Variants in FAM168A observed in about 807,000 individuals in gnomAD.
The protein encoded by FAM168A is protein FAM168A.
A neutral mutation model predicts 28.5 loss-of-function variants in FAM168A; 3 were observed. The ratio of observed to expected loss-of-function variants is 0.11; its 90% CI spans 0.05 to 0.27. The LOEUF (loss-of-function observed/expected upper bound fraction) is 0.27, where lower values mean the gene tolerates loss of function less well. Among genes scored for constraint, FAM168A ranks in the 10% least tolerant of loss-of-function variants. The pLI is 1.00. For missense variants in FAM168A, 222 were observed against 311.5 expected (o/e 0.71, Z 2.16); for synonymous variants, 122 against 124.2 (o/e 0.98, Z 0.12).
At position 73,457,346 on chromosome 11, in the gene FAM168A, C is replaced by T. The variant is rs145912011; in HGVS notation, c.70+11059G>A. On this transcript the variant is annotated intron_variant, in intron 2 of 7. Coordinates refer to ENST00000356467, the MANE Select transcript of FAM168A (RefSeq NM_015159.3). Reference sequence around the variant, plus strand: ...TCAAGGCTGTAGTGAGCTATGATCGCACCACTGCACTCCAACCTGTGGGAC... The same window carrying T: ...TCAAGGCTGTAGTGAGCTATGATCGTACCACTGCACTCCAACCTGTGGGAC... Among the ~76,000 whole-genome samples, 63 of 150,444 alleles carry T rather than the reference C, an allele frequency of 4.2e-4. No homozygotes were observed. In the East Asian group the frequency reaches 0.012, roughly 28 times the overall value.
At chr11:73,552,574 T>C (rs1943841946) in intron 1 of FAM168A, among the ~76,000 whole-genome samples, 1 of 152,218 alleles carries the variant, frequency 6.6e-6, no homozygotes, top group African/African-American at 2.4e-5. Context: ...TACAGTTTCT[T>C]TATTTGCTGT....
intron 2 of FAM168A, among the ~76,000 whole-genome samples, chr11:73,451,746 C>T (rs1867434372): frequency 6.6e-6 from 1 of 152,240 alleles, no homozygotes; most frequent in Admixed American, 6.5e-5. Flanking sequence ...GTAGGCTGTA[C>T]CATCTACGTC....
At chr11:73,591,240 C>G (rs1472467859) in intron 1 of FAM168A, among the ~76,000 whole-genome samples, 1 of 152,118 alleles carries the variant, frequency 6.6e-6, no homozygotes, top group African/African-American at 2.4e-5. Context: ...CAAGGCAGAT[C>G]AGGTTTTTAA....
intron 1 of FAM168A, among the ~76,000 whole-genome samples, chr11:73,565,498 G>C (rs1262074872): frequency 6.6e-6 from 1 of 152,106 alleles, no homozygotes; most frequent in South Asian, 2.1e-4. Context: ...GTGTGACCCT[G>C]AGCAAGTCAC....
At chr11:73,428,542 G>T (rs1866928814) in intron 3 of FAM168A, among the ~76,000 whole-genome samples, 1 of 152,100 alleles carries the variant, frequency 6.6e-6, no homozygotes, top group Non-Finnish European at 1.5e-5. Flanking sequence ...TTGACCTTTT[G>T]CAACAACTCA....
At chr11:73,484,596 C>A (rs190970204) in intron 1 of FAM168A, among the ~76,000 whole-genome samples, 20 of 127,216 alleles carry the variant, frequency 1.6e-4, no homozygotes, top group Admixed American at 3.1e-4. Flanking sequence ...ATCTATATAT[C>A]GATATCTATA....
At position 73,404,502 on chromosome 11, in the gene FAM168A, C is replaced by T. The variant is rs540881248; in HGVS notation, c.*2261G>A. On this transcript the variant is annotated 3_prime_UTR_variant, in exon 8 of 8. Coordinates refer to ENST00000356467, the MANE Select transcript of FAM168A (RefSeq NM_015159.3). ...CACGTATGACATAATCTAGAACAAC[C>T]TTCACCCACCTTTACAAAACCAAAG... is the stretch of plus-strand genomic sequence containing the variant. 12 of 152,330 alleles carry T rather than the reference C, an allele frequency of 7.9e-5. No individual in the cohort carries two copies. The East Asian group carries it at 1.5e-3, about 20-fold the overall frequency. The allele number at this position is 152,330 out of a possible 1,614,324, so 9.4% of individuals were successfully genotyped here. A position where few individuals can be genotyped will look rare whatever the true frequency, so the allele number is the denominator to read the frequency against.
At chr11:73,496,891 ACACACACACACACACGCACACACACG>A (rs1357232428) in intron 1 of FAM168A, among the ~76,000 whole-genome samples, 6 of 147,308 alleles carry the variant, frequency 4.1e-5, no homozygotes, top group African/African-American at 1.6e-4. Flanking sequence ...ACACACACAC[ACACACACACACACACGCACACACACG>A]CACACACACA....
At chr11:73,578,903 TAGTC>T (rs1228349859) in intron 1 of FAM168A, among the ~76,000 whole-genome samples, 1 of 152,328 alleles carries the variant, frequency 6.6e-6, no homozygotes, top group East Asian at 1.9e-4. Flanking sequence ...CTATCCATCT[TAGTC>T]AGCTCAGGCT....
In FAM168A at chr11:73,535,708, C is replaced by T. The variant is rs1943570371; in HGVS notation, c.-19+62215G>A. On this transcript the variant is annotated intron_variant, in intron 1 of 7. Coordinates refer to ENST00000356467, the MANE Select transcript of FAM168A (RefSeq NM_015159.3). The stretch of plus-strand genomic sequence containing the variant: ...TGTTGGGATTACAGGCGTGAGCCAC[C>T]GCACCTCACCCTTCTTTTTTTTTTT... 3.4e-5 allele frequency among the ~76,000 whole-genome samples: 5 copies of T among 147,504 alleles called. No individual in the cohort carries two copies. In the South Asian group the frequency reaches 6.5e-4, roughly 19 times the overall value.
intron 1 of FAM168A, among the ~76,000 whole-genome samples, chr11:73,499,533 T>A (rs1221227285): frequency 6.6e-6 from 1 of 152,002 alleles, no homozygotes; most frequent in Non-Finnish European, 1.5e-5. Context: ...GATGGACGAA[T>A]TGAGAGAAGT....
intron 1 of FAM168A, among the ~76,000 whole-genome samples, chr11:73,518,224 G>A (rs1344906710): frequency 6.6e-6 from 1 of 152,098 alleles, no homozygotes; most frequent in African/African-American, 2.4e-5. Context: ...GGGAAGATAT[G>A]CAGTACCCAG....
chr11:73,449,205 A>T (rs1488452231), intron 2 of FAM168A, among the ~76,000 whole-genome samples: 1 of 152,098 alleles, frequency 6.6e-6, no homozygotes, highest in African/African-American at 2.4e-5. Flanking sequence ...CCTGGGCTCA[A>T]ATGATCCTCT....
chr11:73,472,994 C>T (rs1047422114), intron 1 of FAM168A, among the ~76,000 whole-genome samples: 3 of 151,860 alleles, frequency 2.0e-5, no homozygotes, highest in Non-Finnish European at 2.9e-5. Flanking sequence ...ACAAACATTA[C>T]CTCTTTGGTG....
intron 1 of FAM168A, among the ~76,000 whole-genome samples, chr11:73,504,501 CAA>C (rs1397114686): frequency 2.0e-5 from 3 of 152,146 alleles, no homozygotes; most frequent in Non-Finnish European, 2.9e-5. Context: ...AGTCAGGAAA[CAA>C]CAGATGCTGG....
chr11:73,453,487 A>C (rs1310495793), intron 2 of FAM168A, among the ~76,000 whole-genome samples: 1 of 152,236 alleles, frequency 6.6e-6, no homozygotes, highest in African/African-American at 2.4e-5. Context: ...CCAGCCCGCA[A>C]GCAGTTAACC....
rs1196175721 is a variant in FAM168A, at chr11:73,591,926, T to C, written c.-19+5997A>G. Among the ~76,000 whole-genome samples, 5 of 152,334 alleles carry C rather than the reference T, an allele frequency of 3.3e-5. No individual in the cohort carries two copies. The East Asian group carries it at 9.6e-4, about 29-fold the overall frequency. The stretch of plus-strand genomic sequence containing the variant: ...TTTGCATAAGTATAAATAGCATAGC[T>C]GTTATCTACTGATAGAGACATTTGC... On this transcript the variant is annotated intron_variant, in intron 1 of 7. Coordinates refer to ENST00000356467, the MANE Select transcript of FAM168A (RefSeq NM_015159.3).
chr11:73,572,053 C>T (rs558488701), intron 1 of FAM168A, among the ~76,000 whole-genome samples: 13 of 151,090 alleles, frequency 8.6e-5, no homozygotes, highest in African/African-American at 2.7e-4. Flanking sequence ...CCCCTCCGCC[C>T]GGCAGCCACC....
intron 4 of FAM168A, among the ~76,000 whole-genome samples, chr11:73,415,475 G>C (rs1409339703): frequency 6.6e-6 from 1 of 152,228 alleles, no homozygotes; most frequent in Non-Finnish European, 1.5e-5. Context: ...CCTAGGTTCT[G>C]TCAGTAAGTC....
Sources: gnomAD v4.1 joint callset for allele counts (sites outside exome capture counted in the v4.1 genomes callset) on GRCh38, gnomAD v4.1.1 for gene constraint, MANE v1.5 for transcripts, NCBI Gene and HGNC (gene_info 2026-07-23, HGNC 2026-07-21) for gene names.